TIMP3: variants seen among roughly 807,000 people sequenced by gnomAD.
TIMP3 encodes TIMP metallopeptidase inhibitor 3.
TIMP3 carries 11 observed loss-of-function variants against 30.0 expected under a neutral mutation model. The ratio of observed to expected loss-of-function variants is 0.37; its 90% CI spans 0.23 to 0.61. TIMP3 has a LOEUF of 0.61. Ranked by LOEUF, TIMP3 falls within the 20% of genes least tolerant of loss-of-function variation. The probability of loss-of-function intolerance (pLI) is 0.70; values close to 1 mark genes in which losing one functional copy is unlikely to be tolerated. For missense variants in TIMP3, 181 were observed against 276.8 expected (o/e 0.65, Z 2.45); for synonymous variants, 112 against 111.3 (o/e 1.01, Z -0.04).
At chr22:32,827,506 C>T (rs2047447021) in intron 1 of TIMP3, among the ~76,000 whole-genome samples, 1 of 152,220 alleles carries the variant, frequency 6.6e-6, no homozygotes. Context: ...CTGGGCTTTT[C>T]TAGGTGTCAG....
intron 1 of TIMP3, among the ~76,000 whole-genome samples, chr22:32,811,552 G>A (rs1237200072): frequency 6.6e-6 from 1 of 152,132 alleles, no homozygotes; most frequent in Non-Finnish European, 1.5e-5. Flanking sequence ...GTTCCATTTT[G>A]TCACAGTGCT....
At chr22:32,819,868 C>A (rs1161246965) in intron 1 of TIMP3, among the ~76,000 whole-genome samples, 2 of 152,142 alleles carry the variant, frequency 1.3e-5, no homozygotes, top group African/African-American at 4.8e-5. Context: ...TCCTGGGAGC[C>A]CACTCACTGC....
intron 1 of TIMP3, among the ~76,000 whole-genome samples, chr22:32,811,083 A>G (rs2046903921): frequency 6.6e-6 from 1 of 152,196 alleles, no homozygotes; most frequent in South Asian, 2.1e-4. Flanking sequence ...AAGGCTGGGA[A>G]CCACTGAGAC....
At chr22:32,817,453 G>T (rs958153309) in intron 1 of TIMP3, among the ~76,000 whole-genome samples, 8 of 152,148 alleles carry the variant, frequency 5.3e-5, no homozygotes, top group Admixed American at 5.2e-4. Context: ...AACCCCTTTT[G>T]CCCACTTGCC....
intron 2 of TIMP3, among the ~76,000 whole-genome samples, chr22:32,854,096 T>G (rs544638779): frequency 6.6e-6 from 1 of 152,204 alleles, no homozygotes; most frequent in Non-Finnish European, 1.5e-5. Context: ...CAATTCTAGA[T>G]CTCTATGATT....
intron 3 of TIMP3, among the ~76,000 whole-genome samples, chr22:32,857,639 C>T (rs1362643874): frequency 6.6e-6 from 1 of 152,192 alleles, no homozygotes; most frequent in Non-Finnish European, 1.5e-5. Flanking sequence ...ATCTGTTCCT[C>T]TCCACCTCAC....
Position 32,858,085 on chromosome 22 carries a change from C to A in TIMP3, c.385C>A (p.Leu129Ile). The change falls in exon 4 of 5, where the codon CTC becomes ATC. Residue 129 changes from leucine to isoleucine, a missense_variant. Leu to Ile is a conservative substitution (Grantham distance 5, BLOSUM62 2). Coordinates refer to ENST00000266085, the MANE Select transcript of TIMP3 (RefSeq NM_000362.5). Reference sequence around the variant, plus strand: ...CGTGGAGAGGTGGGACCAGCTCACCCTCTCCCAGCGCAAGGGGCTGAACTA... The same window carrying A: ...CGTGGAGAGGTGGGACCAGCTCACCATCTCCCAGCGCAAGGGGCTGAACTA... ...NFVERWDQLT[L>I]SQRKGLNYRY... The A allele has an allele frequency of 6.2e-7, 1 of 1,614,206 alleles. No homozygotes were observed. The highest frequency in any genetic ancestry group is 1.3e-5 in the African/African-American group (1 of 75,058).
rs1383210444 is a variant in TIMP3 at position 32,861,140 on chromosome 22, C to T, written c.*1763C>T. 2 of 148,438 alleles carry T rather than the reference C, an allele frequency of 1.3e-5. No individual in the cohort carries two copies. The highest frequency in any genetic ancestry group is 3.0e-5 in the Non-Finnish European group (2 of 67,498). The allele number at this position is 148,438 out of a possible 1,614,324, so 9.2% of individuals were successfully genotyped here. On this transcript the variant is annotated 3_prime_UTR_variant, in exon 5 of 5. Coordinates refer to ENST00000266085, the MANE Select transcript of TIMP3 (RefSeq NM_000362.5). ...GTATTTGTATCTTCAGTTCATTCCA[C>T]TTTAGGAAACAGAGCTGCCAATTGA...
At chr22:32,820,741 A>G (rs573039455) in intron 1 of TIMP3, among the ~76,000 whole-genome samples, 1 of 152,320 alleles carries the variant, frequency 6.6e-6, no homozygotes, top group African/African-American at 2.4e-5. Context: ...GATATGTTTT[A>G]GGGTGAAGGA....
chr22:32,859,489 A>G lies in TIMP3; in HGVS notation c.*112A>G. On this transcript the variant is annotated 3_prime_UTR_variant, in exon 5 of 5. Transcript: ENST00000266085. Reference sequence around the variant, plus strand: ...TTAGTGCCTGTTTTCTTGCAAATTTAGCACTTGGAACATTTAAAGAAAGGT... The same window carrying G: ...TTAGTGCCTGTTTTCTTGCAAATTTGGCACTTGGAACATTTAAAGAAAGGT... 1.5e-6 allele frequency: 2 copies of G among 1,332,292 alleles called. No individual in the cohort carries two copies. Among genetic ancestry groups the G allele is most frequent in the Non-Finnish European group, 2.0e-6 (2 of 977,396 alleles). 82.5% of individuals were successfully genotyped at this position (1,332,292 alleles called of 1,614,324 possible).
chr22:32,814,351 GAGAAAGAA>G (rs940671309), intron 1 of TIMP3, among the ~76,000 whole-genome samples: 1 of 14,574 alleles, frequency 6.9e-5, no homozygotes, highest in African/African-American at 1.5e-4. Flanking sequence ...GAAAGAAAGA[GAGAAAGAA>G]AGAAAGAAAG....
Position 32,849,519 on chromosome 22 carries a change from C to G in TIMP3, c.189C>G (p.Thr63=). The G allele has an allele frequency of 6.2e-7, 1 of 1,613,462 alleles. No homozygotes were observed. Among genetic ancestry groups the G allele is most frequent in the Non-Finnish European group, 8.5e-7 (1 of 1,179,774 alleles). The change falls in exon 2 of 5, where the codon ACC becomes ACG. Residue 63 remains threonine, a synonymous_variant. Transcript: ENST00000266085. ...KEGPFGTLVY[T]IKQMKMYRGF... is the part of the protein sequence containing the mutation. ...GGCCCTTCGGCACGCTGGTCTACAC[C>G]ATCAAGCAGATGAAGGTAGGTAATG...
intron 1 of TIMP3, among the ~76,000 whole-genome samples, chr22:32,842,162 C>G (rs74438510): frequency 0.063 from 9,568 of 152,264 alleles, 333 homozygotes; most frequent in Middle Eastern, 0.12. Flanking sequence ...AACAGGGCAG[C>G]GACTTCACCC....
chr22:32,814,313 G>GACAGAAAA (rs774703088), intron 1 of TIMP3, among the ~76,000 whole-genome samples: 1,323 of 39,652 alleles, frequency 0.033, 39 homozygotes, highest in African/African-American at 0.18. Flanking sequence ...GAGAGAGAGA[G>GACAGAAAA]AGACAGAAAG....
chr22:32,856,430 G>C (rs2048368226), intron 2 of TIMP3, among the ~76,000 whole-genome samples: 1 of 152,086 alleles, frequency 6.6e-6, no homozygotes, highest in Non-Finnish European at 1.5e-5. Flanking sequence ...GTAGATCAGT[G>C]ACCGGCCACT....
chr22:32,856,000 A>G (rs1205338295), intron 2 of TIMP3, among the ~76,000 whole-genome samples: 1 of 152,234 alleles, frequency 6.6e-6, no homozygotes, highest in Non-Finnish European at 1.5e-5. Context: ...GCTCAGAAGA[A>G]TAAAAAACAT....
intron 2 of TIMP3, among the ~76,000 whole-genome samples, 160 bp downstream of exon 2, chr22:32,849,694 T>C (rs562296789): frequency 6.6e-6 from 1 of 152,178 alleles, no homozygotes; most frequent in East Asian, 1.9e-4. Context: ...TAAGGCTGCA[T>C]AAAGGGATGG....
chr22:32,847,357 A>G (rs1177603257), intron 1 of TIMP3, among the ~76,000 whole-genome samples: 1 of 152,032 alleles, frequency 6.6e-6, no homozygotes, highest in Non-Finnish European at 1.5e-5. Context: ...GATCTTGCCA[A>G]CCTCTCGTTT....
intron 1 of TIMP3, among the ~76,000 whole-genome samples, chr22:32,848,130 G>A (rs767213173): frequency 6.6e-6 from 1 of 152,192 alleles, no homozygotes; most frequent in Non-Finnish European, 1.5e-5. Context: ...TTCACACAAC[G>A]TAGAAAGAGA....
Sources: gnomAD v4.1 joint callset for allele counts (sites outside exome capture counted in the v4.1 genomes callset) on GRCh38, gnomAD v4.1.1 for gene constraint, MANE v1.5 for transcripts, NCBI Gene and HGNC (gene_info 2026-07-23, HGNC 2026-07-21) for gene names.